SUPT3H: variants seen among roughly 807,000 people sequenced by gnomAD.
SUPT3H encodes the protein SPT3 homolog, SAGA and STAGA complex component, also known as transcription initiation protein SPT3 homolog.
SUPT3H carries 44 observed loss-of-function variants against 44.3 expected under a neutral mutation model. The observed-to-expected ratio is 0.99, with a 90% CI of 0.78 to 1.28. SUPT3H has a LOEUF of 1.28. Ranked by LOEUF, SUPT3H falls within the 50% of genes most tolerant of loss-of-function variation. SUPT3H has a pLI of 0.00. For missense variants in SUPT3H, 380 were observed against 387.1 expected (o/e 0.98, Z 0.15); for synonymous variants, 124 against 125.6 (o/e 0.99, Z 0.09).
intron 10 of SUPT3H, among the ~76,000 whole-genome samples, chr6:44,850,935 T>C (rs1249144363): frequency 6.6e-6 from 1 of 152,216 alleles, no homozygotes; most frequent in Non-Finnish European, 1.5e-5. Flanking sequence ...GCTTCTGGTT[T>C]GTTCAAGATT....
intron 2 of SUPT3H, among the ~76,000 whole-genome samples, chr6:45,155,820 T>C (rs1277454817): frequency 5.3e-5 from 8 of 152,074 alleles, no homozygotes; most frequent in African/African-American, 1.7e-4. Context: ...ATTAGGGCAA[T>C]GGAGCTAACT....
chr6:44,928,885 A>AATAAATAAAT (rs1424280912), intron 10 of SUPT3H, among the ~76,000 whole-genome samples: 1 of 120,686 alleles, frequency 8.3e-6, no homozygotes, highest in African/African-American at 3.3e-5. Context: ...TCCGTCTCAA[A>AATAAATAAAT]AAAAAAAAAA....
At chr6:44,837,681 C>G (rs968665873) in intron 10 of SUPT3H, among the ~76,000 whole-genome samples, 1 of 152,196 alleles carries the variant, frequency 6.6e-6, no homozygotes, top group Non-Finnish European at 1.5e-5. Context: ...ATGCATCAAT[C>G]AAGCCAATTG....
intron 2 of SUPT3H, among the ~76,000 whole-genome samples, chr6:45,161,054 C>T: frequency 6.6e-6 from 1 of 152,138 alleles, no homozygotes; most frequent in Non-Finnish European, 1.5e-5. Flanking sequence ...CCCCAACACT[C>T]TCTCTTGCTT....
intron 2 of SUPT3H, among the ~76,000 whole-genome samples, chr6:45,181,514 C>T (rs1398269459): frequency 2.0e-5 from 3 of 151,704 alleles, no homozygotes; most frequent in Non-Finnish European, 4.4e-5. Flanking sequence ...GGCACATATA[C>T]ACCATGGAAT....
At chr6:45,105,290 AT>A (rs1235202431) in intron 3 of SUPT3H, among the ~76,000 whole-genome samples, 2 of 152,158 alleles carry the variant, frequency 1.3e-5, no homozygotes, top group African/African-American at 4.8e-5. Context: ...TAAAAATAAA[AT>A]CTTACAAGGA....
intron 2 of SUPT3H, among the ~76,000 whole-genome samples, chr6:45,262,630 T>C (rs944071498): frequency 6.6e-6 from 1 of 152,066 alleles, no homozygotes; most frequent in East Asian, 1.9e-4. Context: ...CCTAAAGCAA[T>C]TGCAACAGAA....
intron 2 of SUPT3H, among the ~76,000 whole-genome samples, chr6:45,232,795 C>T (rs1584401584): frequency 6.6e-6 from 1 of 152,236 alleles, no homozygotes; most frequent in African/African-American, 2.4e-5. Flanking sequence ...GGGGAGGCAC[C>T]CAGCCCTTCA....
chr6:44,905,496 C>T (rs1765875090), intron 10 of SUPT3H, among the ~76,000 whole-genome samples: 1 of 150,360 alleles, frequency 6.7e-6, no homozygotes, highest in African/African-American at 2.5e-5. Flanking sequence ...GTTAGAATGG[C>T]AATCATTAAA....
At chr6:44,960,617 A>C (rs552070470) in intron 7 of SUPT3H, among the ~76,000 whole-genome samples, 3 of 152,250 alleles carry the variant, frequency 2.0e-5, no homozygotes, top group Admixed American at 6.5e-5. Context: ...AAAATAGTTC[A>C]ATTGCACTAA....
chr6:44,885,660 T>TG (rs1382125655), intron 10 of SUPT3H, among the ~76,000 whole-genome samples: 2 of 151,722 alleles, frequency 1.3e-5, no homozygotes, highest in Non-Finnish European at 2.9e-5. Context: ...ACCACAAAGA[T>TG]GGGGAAAAAA....
intron 8 of SUPT3H, 27 bp downstream of exon 8, chr6:44,954,468 C>T (rs767201581): frequency 1.3e-6 from 2 of 1,533,332 alleles, no homozygotes; most frequent in South Asian, 1.1e-5. Flanking sequence ...GCCAGTGTGG[C>T]CCGATATGAC....
chr6:45,347,285 G>A (rs949866733), intron 2 of SUPT3H, among the ~76,000 whole-genome samples: 32 of 152,024 alleles, frequency 2.1e-4, no homozygotes, highest in Admixed American at 1.4e-3. Context: ...AAATGAATTC[G>A]ATTTCACTGA....
intron 2 of SUPT3H, among the ~76,000 whole-genome samples, chr6:45,331,456 T>G (rs1246005991): frequency 3.3e-5 from 5 of 151,952 alleles, no homozygotes; most frequent in South Asian, 4.1e-4. Context: ...GTGACAAAGT[T>G]TTATAGCTTC....
chr6:45,176,484 A>C (rs1811898236), intron 2 of SUPT3H, among the ~76,000 whole-genome samples: 1 of 152,144 alleles, frequency 6.6e-6, no homozygotes, highest in Admixed American at 6.5e-5. Context: ...GCAAGGCGGC[A>C]GCGAGGCTGG....
intron 3 of SUPT3H, among the ~76,000 whole-genome samples, chr6:45,079,225 G>A (rs887169468): frequency 2.2e-4 from 34 of 152,052 alleles, no homozygotes; most frequent in Admixed American, 1.8e-3. Context: ...CAGGAGAATC[G>A]CTTGAACCTG....
At chr6:44,826,716 A>C (rs958018403), downstream of SUPT3H, among the ~76,000 whole-genome samples, 1 of 152,212 alleles carries the variant, frequency 6.6e-6, no homozygotes, top group African/African-American at 2.4e-5. Context: ...ATTCTAAACA[A>C]GTAAACATGT....
chr6:45,286,238 T>G lies in SUPT3H; in HGVS notation c.101+78963A>C, dbSNP rs1213475924. On this transcript the variant is annotated intron_variant, in intron 2 of 10. Coordinates refer to ENST00000371459, the MANE Select transcript of SUPT3H (RefSeq NM_003599.4). ...AAGCAATGGCAACAGAAGCCAAAAT[T>G]GAGAAATGGGATCTAATTAAACTAA... 2.0e-5 allele frequency among the ~76,000 whole-genome samples: 3 copies of G among 151,792 alleles called. No individual in the cohort carries two copies. In the East Asian group the frequency reaches 5.8e-4, roughly 29 times the overall value.
intron 3 of SUPT3H, among the ~76,000 whole-genome samples, chr6:45,087,080 T>C (rs1796563299): frequency 6.6e-6 from 1 of 151,990 alleles, no homozygotes; most frequent in Non-Finnish European, 1.5e-5. Flanking sequence ...TATTAGAAGT[T>C]ACAAGTCTTT....
Sources: gnomAD v4.1 joint callset for allele counts (sites outside exome capture counted in the v4.1 genomes callset) on GRCh38, gnomAD v4.1.1 for gene constraint, MANE v1.5 for transcripts, NCBI Gene and HGNC (gene_info 2026-07-23, HGNC 2026-07-21) for gene names.